The following SATB1 variants were observed in gnomAD, a reference collection of about 807,000 sequenced individuals.
The protein encoded by SATB1 is SATB homeobox 1.
Under a neutral mutation model 86.9 loss-of-function variants are expected in SATB1, and 11 were observed. The ratio of observed to expected loss-of-function variants is 0.13; its 90% CI spans 0.08 to 0.21. The LOEUF is 0.21. Among genes scored for constraint, SATB1 ranks in the 10% least tolerant of loss-of-function variants. SATB1 has a pLI of 1.00. For missense variants in SATB1, 551 were observed against 937.6 expected, an observed-to-expected ratio of 0.59 and a Z score of 5.39; for synonymous variants, 357 against 357.2, an observed-to-expected ratio of 1.00 and a Z score of 0.01.
At chr3:18,382,481 T>C (rs1302732244) in intron 8 of SATB1, among the ~76,000 whole-genome samples, 1 of 152,234 alleles carries the variant, frequency 6.6e-6, no homozygotes, top group Non-Finnish European at 1.5e-5. Context: ...CTTAAAATTC[T>C]GTAAAATATA....
At chr3:18,408,027 G>T (rs1456302290) in intron 5 of SATB1, among the ~76,000 whole-genome samples, 1 of 152,052 alleles carries the variant, frequency 6.6e-6, no homozygotes, top group Non-Finnish European at 1.5e-5. Flanking sequence ...ATAAGAATGT[G>T]ATCTCAAATA....
upstream of SATB1, among the ~76,000 whole-genome samples, chr3:18,426,471 G>A (rs530716840): frequency 1.8e-3 from 274 of 152,296 alleles, 3 homozygotes; most frequent in Non-Finnish European, 3.0e-3. This position sits in a 1 kb window ranked among gnomAD's most constrained non-coding sequence, Gnocchi z 4.2. Context: ...AAACACTTCT[G>A]CTGTAATCTA....
chr3:18,378,785 CTA>C (rs1390457820), intron 8 of SATB1, among the ~76,000 whole-genome samples: 1 of 152,144 alleles, frequency 6.6e-6, no homozygotes, highest in East Asian at 1.9e-4. Context: ...TAATTTTAGA[CTA>C]TTTTTATGCA....
intron 10 of SATB1, chr3:18,351,784 G>A: frequency 1.7e-6 from 1 of 573,716 alleles, no homozygotes; most frequent in Non-Finnish European, 3.1e-6. Flanking sequence ...TGGTGGCTGG[G>A]AGATGAGGAA....
At chr3:18,390,725 T>C (rs2125107501) in intron 7 of SATB1, among the ~76,000 whole-genome samples, 1 of 152,234 alleles carries the variant, frequency 6.6e-6, no homozygotes, top group African/African-American at 2.4e-5. Flanking sequence ...TTCTTTATTT[T>C]ACTGGAAAAT....
chr3:18,363,634 A>T (rs1339130422), intron 9 of SATB1, among the ~76,000 whole-genome samples: 3 of 151,862 alleles, frequency 2.0e-5, no homozygotes, highest in Non-Finnish European at 4.4e-5. Flanking sequence ...TCCCACACTG[A>T]CTCCCTTTGG....
At chr3:18,371,398 T>A (rs1695475467) in intron 9 of SATB1, among the ~76,000 whole-genome samples, 1 of 152,148 alleles carries the variant, frequency 6.6e-6, no homozygotes, top group Non-Finnish European at 1.5e-5. Context: ...ATATATATAT[T>A]TTTAAATGGG....
intron 2 of SATB1, among the ~76,000 whole-genome samples, chr3:18,430,530 AC>A (rs1365011881): frequency 6.6e-6 from 1 of 152,136 alleles, no homozygotes; most frequent in African/African-American, 2.4e-5. Flanking sequence ...TTACCCCTGT[AC>A]CTATATTATA....
intron 2 of SATB1, among the ~76,000 whole-genome samples, chr3:18,419,971 A>C (rs1308130754): frequency 6.6e-6 from 1 of 152,172 alleles, no homozygotes; most frequent in Admixed American, 6.5e-5. Context: ...AAAATATAGC[A>C]TTTTTATCCA....
intron 1 of SATB1, among the ~76,000 whole-genome samples, chr3:18,421,746 G>T (rs905431476): frequency 1.3e-5 from 2 of 151,670 alleles, no homozygotes; most frequent in Non-Finnish European, 2.9e-5. Context: ...CAGTATTTAG[G>T]TGTCCATTAG....
intron 8 of SATB1, among the ~76,000 whole-genome samples, chr3:18,385,158 A>G (rs920836333): frequency 6.6e-6 from 1 of 152,162 alleles, no homozygotes; most frequent in African/African-American, 2.4e-5. Context: ...TATACATGAA[A>G]ATGTATAACC....
In SATB1 at chr3:18,401,086, G is replaced by GT. The variant is rs200254426; in HGVS notation, c.640-3797_640-3796insA. On this transcript the variant is annotated intron_variant, in intron 5 of 10. Transcript: ENST00000338745. ...AGCCTGGGCATCCTTGCTTCCATGA[G>GT]GCCTTTCCTAACTTCCCAAACCTCC... is the stretch of plus-strand genomic sequence containing the variant. Among the ~76,000 whole-genome samples the GT allele has an allele frequency of 6.0e-3, 910 of 152,204 alleles. 8 individuals are homozygous for GT. The highest frequency in any genetic ancestry group is 0.021 in the African/African-American group (868 of 41,552).
At chr3:18,404,870 T>C (rs934912317) in intron 5 of SATB1, among the ~76,000 whole-genome samples, 2 of 151,960 alleles carry the variant, frequency 1.3e-5, no homozygotes, top group African/African-American at 2.4e-5. Flanking sequence ...TAAGAGCATG[T>C]GATATTCCAA....
chr3:18,363,902 A>C (rs996040915), intron 9 of SATB1, among the ~76,000 whole-genome samples: 2 of 152,184 alleles, frequency 1.3e-5, no homozygotes, highest in African/African-American at 2.4e-5. Context: ...GTTCTCTCAC[A>C]AAGTCCTACA....
Position 18,394,764 on chromosome 3 carries a change from T to C in SATB1, c.904A>G (p.Asn302Asp), listed in dbSNP as rs1294942393. 1 of 1,614,024 alleles carries C rather than the reference T, an allele frequency of 6.2e-7. No homozygotes were observed. The highest frequency in any genetic ancestry group is 8.5e-7 in the Non-Finnish European group (1 of 1,179,984). Residue 302 changes from asparagine (N) to aspartate (D), a missense_variant, in exon 7 of 11, where the codon AAC becomes GAC. Asn to Asp is a conservative substitution (Grantham distance 23, BLOSUM62 1). Transcript: ENST00000338745. The surrounding 1 kb of genome is among the most constrained non-coding windows in gnomAD (Gnocchi z 5.9). ...SQPSVRTPLP[N>D]LHPGLVSTPI... is the part of the protein sequence containing the mutation. Reference sequence around the variant, plus strand: ...GTTGATACGAGCCCAGGGTGCAGGTTTGGAAGAGGTGTCCGGACAGAGGGC... The same window carrying C: ...GTTGATACGAGCCCAGGGTGCAGGTCTGGAAGAGGTGTCCGGACAGAGGGC...
chr3:18,386,275 A>T lies in SATB1; in HGVS notation c.1419+124T>A, dbSNP rs1370801475. The T allele has an allele frequency of 1.3e-6, 1 of 756,606 alleles. No individual in the cohort carries two copies. Among genetic ancestry groups the T allele is most frequent in the Non-Finnish European group, 2.2e-6 (1 of 462,936 alleles). The allele number at this position is 756,606 out of a possible 1,614,324, so 46.9% of individuals were successfully genotyped here. A position where few individuals can be genotyped will look rare whatever the true frequency, so the allele number is the denominator to read the frequency against. ...ATTTGGGACCAAATTCTCCTCAAGC[A>T]ACTATACGAATTTAAAAACATATAA... On this transcript the variant is annotated intron_variant, in intron 8 of 10. Coordinates refer to ENST00000338745, the MANE Select transcript of SATB1 (RefSeq NM_002971.6). The surrounding 1 kb of genome is among the most constrained non-coding windows in gnomAD (Gnocchi z 4.5).
intron 9 of SATB1, among the ~76,000 whole-genome samples, chr3:18,368,324 G>C (rs1695290969): frequency 6.6e-6 from 1 of 152,196 alleles, no homozygotes; most frequent in African/African-American, 2.4e-5. Context: ...TTAGATGGAA[G>C]AAGAGTTCTA....
chr3:18,365,918 AG>A (rs1481415282), intron 9 of SATB1, among the ~76,000 whole-genome samples: 1 of 152,228 alleles, frequency 6.6e-6, no homozygotes, highest in African/African-American at 2.4e-5. Flanking sequence ...GGAAGAAAGA[AG>A]GTAATTTAGA....
chr3:18,425,775 G>A (rs1164006006), upstream of SATB1, among the ~76,000 whole-genome samples: 1 of 150,984 alleles, frequency 6.6e-6, no homozygotes, highest in African/African-American at 2.4e-5. Context: ...GGGGAGGGGA[G>A]CGCGCGGCGC....
Sources: gnomAD v4.1 joint callset for allele counts (sites outside exome capture counted in the v4.1 genomes callset) on GRCh38, gnomAD v4.1.1 for gene constraint, Gnocchi (gnomAD v3.1) non-coding constraint, MANE v1.5 for transcripts, NCBI Gene and HGNC (gene_info 2026-07-23, HGNC 2026-07-21) for gene names.